The following DHX16 variants were observed in gnomAD, a reference collection of about 807,000 sequenced individuals.
The protein encoded by DHX16 is pre-mRNA-splicing factor ATP-dependent RNA helicase DHX16.
Under a neutral mutation model 131.2 loss-of-function variants are expected in DHX16, and 81 were observed. The observed-to-expected ratio is 0.62, with a 90% CI of 0.52 to 0.74. The LOEUF is 0.74. Ranked by LOEUF, DHX16 falls within the 30% of genes least tolerant of loss-of-function variation. The probability of loss-of-function intolerance (pLI) is 0.00; values close to 1 mark genes in which losing one functional copy is unlikely to be tolerated. For missense variants in DHX16, 980 were observed against 1,363.1 expected, an observed-to-expected ratio of 0.72 and a Z score of 4.43; for synonymous variants, 440 against 520.2, an observed-to-expected ratio of 0.85 and a Z score of 2.10.
chr6:30,656,480 G>A lies in DHX16; in HGVS notation c.2341C>T (p.Leu781=). 3 of 1,614,204 alleles carry A rather than the reference G, an allele frequency of 1.9e-6. No individual in the cohort carries two copies. Among genetic ancestry groups the A allele is most frequent in the Non-Finnish European group, 2.5e-6 (3 of 1,180,042 alleles). The change falls in exon 15 of 20, where the codon CTG becomes TTG. Residue 781 remains leucine, a synonymous_variant. Coordinates refer to ENST00000376442, the MANE Select transcript of DHX16 (RefSeq NM_003587.5). The surrounding 1 kb of genome is among the most constrained non-coding windows in gnomAD (Gnocchi z 5.1). ...AGTGTCTCATATGGTGGAGGGTCCA[G>A]GAAATCAAAGTGCATTAGGTCATGG... is the stretch of plus-strand genomic sequence containing the variant. ...GIHDLMHFDF[L]DPPPYETLLL...
intron 1 of DHX16, among the ~76,000 whole-genome samples, chr6:30,672,134 C>T (rs1327328664): frequency 6.6e-6 from 1 of 151,368 alleles, no homozygotes; most frequent in Admixed American, 6.6e-5. Context: ...CACACCAAGG[C>T]CTCATCTCTA....
Position 30,665,778 on chromosome 6 carries a change from C to T in DHX16, c.667-45G>A, listed in dbSNP as rs1392566621. The T allele has an allele frequency of 6.3e-7, 1 of 1,580,786 alleles. No homozygotes were observed. The highest frequency in any genetic ancestry group is 8.6e-7 in the Non-Finnish European group (1 of 1,168,656). On this transcript the variant is annotated intron_variant, in intron 4 of 19. Coordinates refer to ENST00000376442, the MANE Select transcript of DHX16 (RefSeq NM_003587.5). The surrounding 1 kb of genome is among the most constrained non-coding windows in gnomAD (Gnocchi z 4.8). ...TCGAATCCTCATCTTGCTGGAGGAG[C>T]AACCCCTTTCTCTACCAATCCCTAC...
chr6:30,655,508 T>C lies in DHX16; in HGVS notation c.2588A>G (p.His863Arg). The change falls in exon 17 of 20, where the codon CAT becomes CGT. Residue 863 changes from histidine to arginine, a missense_variant. By Grantham distance (29) the His-to-Arg change is conservative. Coordinates refer to ENST00000376442, the MANE Select transcript of DHX16 (RefSeq NM_003587.5). ...IFYRPKDKVV[H>R]ADNARVNFFL... ...GAAGTTGACACGGGCATTGTCAGCATGGACGACCTTGTCCTTTGGTCGGTA... is the reference window on the plus strand; with the variant it reads ...GAAGTTGACACGGGCATTGTCAGCACGGACGACCTTGTCCTTTGGTCGGTA... 6.2e-7 allele frequency: 1 copy of C among 1,613,188 alleles called. No homozygotes were observed. Among genetic ancestry groups the C allele is most frequent in the Non-Finnish European group, 8.5e-7 (1 of 1,180,040 alleles).
intron 18 of DHX16, 35 bp downstream of exon 18, chr6:30,655,140 G>T: frequency 6.2e-7 from 1 of 1,613,396 alleles, no homozygotes; most frequent in Non-Finnish European, 8.5e-7. Flanking sequence ...GGAAGGTACT[G>T]GGGGTGGAAA....
In DHX16 at chr6:30,665,056, C is replaced by A; in HGVS notation, c.1125+15G>T. The A allele has an allele frequency of 2.5e-6, 4 of 1,613,918 alleles. No homozygotes were observed. Among genetic ancestry groups the A allele is most frequent in the Non-Finnish European group, 3.4e-6 (4 of 1,179,928 alleles). ...TACGGGTCTTCCTCAGAAAGTCTCC[C>A]AGCTCCCCTCTTACCTCATCACCCT... On this transcript the variant is annotated intron_variant, in intron 6 of 19. Transcript: ENST00000376442. The surrounding 1 kb of genome is among the most constrained non-coding windows in gnomAD (Gnocchi z 4.8).
Position 30,670,496 on chromosome 6 carries a change from T to G in DHX16, c.610-30A>C, listed in dbSNP as rs767192774. 20 of 1,605,256 alleles carry G rather than the reference T, an allele frequency of 1.2e-5. No individual in the cohort carries two copies. The highest frequency in any genetic ancestry group is 2.6e-6 in the Non-Finnish European group (3 of 1,175,396). Reference sequence around the variant, plus strand: ...AAGAAAAAACAAGAATGGAGGGGTGTGAGGCCAAAGAGCCCCCACACTGAC... The same window carrying G: ...AAGAAAAAACAAGAATGGAGGGGTGGGAGGCCAAAGAGCCCCCACACTGAC... On this transcript the variant is annotated intron_variant, in intron 3 of 19. Coordinates refer to ENST00000376442, the MANE Select transcript of DHX16 (RefSeq NM_003587.5). This position sits in a 1 kb window ranked among gnomAD's most constrained non-coding sequence, Gnocchi z 4.4.
chr6:30,656,100 G>T lies in DHX16; in HGVS notation c.2498+98C>A. On this transcript the variant is annotated intron_variant, in intron 16 of 19. Transcript: ENST00000376442. The surrounding 1 kb of genome is among the most constrained non-coding windows in gnomAD (Gnocchi z 5.1). ...ATACTTTATTATGTGTTAAGGGATA[G>T]TATGATGAACAGAAAAAGACAGACA... 8.6e-7 allele frequency: 1 copy of T among 1,165,530 alleles called. No individual in the cohort carries two copies. Among genetic ancestry groups the T allele is most frequent in the Non-Finnish European group, 1.3e-6 (1 of 785,934 alleles). 72.2% of individuals were successfully genotyped at this position (1,165,530 alleles called of 1,614,324 possible).
intron 4 of DHX16, among the ~76,000 whole-genome samples, chr6:30,669,741 G>GT (rs1232599610): frequency 1.9e-4 from 22 of 117,114 alleles, no homozygotes; most frequent in Non-Finnish European, 2.5e-4. Flanking sequence ...AAGAAAAAAG[G>GT]TTTAAAAAAA....
chr6:30,671,316 G>A, intron 1 of DHX16, 42 bp from the exon 2 acceptor site: 1 of 1,547,156 alleles, frequency 6.5e-7, no homozygotes, highest in Non-Finnish European at 8.9e-7. Context: ...AGCAACTCCT[G>A]ATCTCTGCCC....
intron 12 of DHX16, among the ~76,000 whole-genome samples, chr6:30,658,063 G>A (rs1177729681): frequency 6.6e-6 from 1 of 152,212 alleles, no homozygotes. Flanking sequence ...TTTGTTGAAT[G>A]AAAGTTATAT....
chr6:30,660,313 G>A, intron 9 of DHX16, 71 bp from the exon 10 acceptor site: 2 of 1,233,030 alleles, frequency 1.6e-6, no homozygotes, highest in Non-Finnish European at 2.2e-6. Context: ...AGAGTTAACT[G>A]GATGAGAGGG....
At position 30,660,048 on chromosome 6, in the gene DHX16, T is replaced by C. The variant is rs375931735; in HGVS notation, c.1739A>G (p.Asp580Gly). Reference protein sequence around the residue: ...FRIPGRRFPVDIFYTKAPEAD... With the variant: ...FRIPGRRFPVGIFYTKAPEAD... ...AGGGGGCACCTTGGTGTAGAAGATGTCCACAGGAAACCTGCGTCCGGGGAT... is the reference window on the plus strand; with the variant it reads ...AGGGGGCACCTTGGTGTAGAAGATGCCCACAGGAAACCTGCGTCCGGGGAT... Residue 580 changes from aspartate to glycine, a missense_variant, in exon 10 of 20, where the codon GAC becomes GGC. Asp to Gly is a moderately conservative substitution (Grantham distance 94). Coordinates refer to ENST00000376442, the MANE Select transcript of DHX16 (RefSeq NM_003587.5). The C allele has an allele frequency of 9.3e-6, 15 of 1,612,598 alleles. No homozygotes were observed. In the African/African-American group the frequency reaches 1.2e-4, roughly 13 times the overall value.
chr6:30,655,436 T>TAA lies in DHX16; in HGVS notation c.2659_2660insTT (p.Gln887LeufsTer69). ...TCCCACTCACCCAAGCCCAGTGACC[T>TAA]GTGTGTAAACATTTAGCAGAACCAG... On this transcript the variant is annotated frameshift_variant and splice_region_variant, in exon 17 of 20. Coordinates refer to ENST00000376442, the MANE Select transcript of DHX16 (RefSeq NM_003587.5). LOFTEE classifies it high-confidence loss of function. 2 of 1,613,964 alleles carry TAA rather than the reference T, an allele frequency of 1.2e-6. No homozygotes were observed. The highest frequency in any genetic ancestry group is 1.7e-6 in the Non-Finnish European group (2 of 1,180,028).
Position 30,656,848 on chromosome 6 carries a change from A to T in DHX16, c.2149-89T>A. On this transcript the variant is annotated intron_variant, in intron 13 of 19. Transcript: ENST00000376442. The surrounding 1 kb of genome is among the most constrained non-coding windows in gnomAD (Gnocchi z 5.1). ...ATGCAAGAAATCTGGAAGGATGCAAACTGCTCATCCCGGTTCCCTAGGAAG... is the reference window on the plus strand; with the variant it reads ...ATGCAAGAAATCTGGAAGGATGCAATCTGCTCATCCCGGTTCCCTAGGAAG... 1 of 1,595,480 alleles carries T rather than the reference A, an allele frequency of 6.3e-7. No homozygotes were observed. The highest frequency in any genetic ancestry group is 8.5e-7 in the Non-Finnish European group (1 of 1,171,002).
At position 30,665,008 on chromosome 6, in the gene DHX16, G is replaced by A; in HGVS notation, c.1126-16C>T. The A allele has an allele frequency of 1.2e-6, 2 of 1,613,780 alleles. No homozygotes were observed. The highest frequency in any genetic ancestry group is 1.7e-6 in the Non-Finnish European group (2 of 1,179,742). On this transcript the variant is annotated splice_polypyrimidine_tract_variant and intron_variant, in intron 6 of 19. Transcript: ENST00000376442. This position sits in a 1 kb window ranked among gnomAD's most constrained non-coding sequence, Gnocchi z 4.8. The stretch of plus-strand genomic sequence containing the variant: ...CTGACGGCTCCTAAGGAAAGAGAAG[G>A]AGGTGTGAGCTAAATAGCTCGCTAC...
At position 30,670,567 on chromosome 6, in the gene DHX16, A is replaced by G; in HGVS notation, c.610-101T>C. On this transcript the variant is annotated intron_variant, in intron 3 of 19. Coordinates refer to ENST00000376442, the MANE Select transcript of DHX16 (RefSeq NM_003587.5). This position sits in a 1 kb window ranked among gnomAD's most constrained non-coding sequence, Gnocchi z 4.4. ...ACAAGGATCATTCAGATGCGCCCTA[A>G]CACAAAAAATGTCCCCTCTCAGTGA... 7.3e-7 allele frequency: 1 copy of G among 1,361,054 alleles called. No individual in the cohort carries two copies. 84.3% of individuals were successfully genotyped at this position (1,361,054 alleles called of 1,614,324 possible).
At chr6:30,668,540 G>T (rs531329472) in intron 4 of DHX16, among the ~76,000 whole-genome samples, 1 of 152,024 alleles carries the variant, frequency 6.6e-6, no homozygotes, top group African/African-American at 2.4e-5. Context: ...AGTCCCAGCT[G>T]CTCGGGAGGT....
In DHX16 at chr6:30,653,258, C is replaced by T. The variant is rs770548224; in HGVS notation, c.3110G>A (p.Arg1037Gln). Reference protein sequence around the residue: ...KKMPKKIGKTREELG With the variant: ...KKMPKKIGKTQEELG ...GTCCTTCTCTTACCCTAGCTCTTCT[C>T]GTGTTTTGCCTATTTTTTTGGGCAT... is the stretch of plus-strand genomic sequence containing the variant. Residue 1037 changes from arginine (R) to glutamine (Q), a missense_variant, in exon 20 of 20, where the codon CGA becomes CAA. By Grantham distance (43) the Arg-to-Gln change is conservative. Coordinates refer to ENST00000376442, the MANE Select transcript of DHX16 (RefSeq NM_003587.5). 9 of 1,612,794 alleles carry T rather than the reference C, an allele frequency of 5.6e-6. No individual in the cohort carries two copies. Among genetic ancestry groups the T allele is most frequent in the East Asian group, 2.2e-5 (1 of 44,892 alleles).
intron 7 of DHX16, 49 bp downstream of exon 7, chr6:30,664,752 G>A (rs1272743792): frequency 6.6e-7 from 1 of 1,518,576 alleles, no homozygotes; most frequent in Non-Finnish European, 9.1e-7. Context: ...CAGGAATGAG[G>A]ACATTGATGC....
Sources: gnomAD v4.1 joint callset for allele counts (sites outside exome capture counted in the v4.1 genomes callset) on GRCh38, gnomAD v4.1.1 for gene constraint, Gnocchi (gnomAD v3.1) non-coding constraint, MANE v1.5 for transcripts, NCBI Gene and HGNC (gene_info 2026-07-23, HGNC 2026-07-21) for gene names.